Variants in GET4 observed in about 807,000 individuals in gnomAD.
GET4 encodes the protein Golgi to ER traffic protein 4 homolog.
GET4 carries 20 observed loss-of-function variants against 40.0 expected under a neutral mutation model. That is an observed-to-expected ratio of 0.50 (90% CI 0.35 to 0.73). The LOEUF (loss-of-function observed/expected upper bound fraction) is 0.73, where lower values mean the gene tolerates loss of function less well. GET4 is among the 30% of genes least tolerant of loss of function. The pLI, the probability that GET4 is intolerant of heterozygous loss-of-function variation, is 0.01. For missense variants in GET4, 557 were observed against 454.0 expected (o/e 1.23, Z -2.06); for synonymous variants, 280 against 194.6 (o/e 1.44, Z -3.65).
chr7:891,429 C>G (rs1399419018), intron 5 of GET4, among the ~76,000 whole-genome samples: 1 of 152,216 alleles, frequency 6.6e-6, no homozygotes, highest in Admixed American at 6.5e-5. Context: ...CCCGCGGCCC[C>G]TCCCGCCAGC....
intron 6 of GET4, among the ~76,000 whole-genome samples, chr7:892,915 GGT>G (rs1046459904): frequency 4.6e-5 from 7 of 151,746 alleles, no homozygotes; most frequent in African/African-American, 1.5e-4. Flanking sequence ...GGGGTGTGCA[GGT>G]GTGTGTACTG....
chr7:885,634 C>A (rs1429744439), intron 1 of GET4: 2 of 173,142 alleles, frequency 1.2e-5, no homozygotes, highest in East Asian at 1.7e-4. Flanking sequence ...CCGTTACTGT[C>A]CCCCGTGGGA....
At chr7:893,121 G>C (rs1215545170) in intron 6 of GET4, among the ~76,000 whole-genome samples, 1 of 139,078 alleles carries the variant, frequency 7.2e-6, no homozygotes, top group African/African-American at 2.6e-5. Context: ...GCAAGTGTTG[G>C]GTGTAGGCGT....
rs190212735 is a variant in GET4 at position 896,273 on chromosome 7, G to T, written c.*851G>T. ...CTACTCCAAATGTTACCAGAACGAT[G>T]ACAAAAGGGGAGACGCTCTATTTTT... On this transcript the variant is annotated 3_prime_UTR_variant, in exon 9 of 9. Coordinates refer to ENST00000265857, the MANE Select transcript of GET4 (RefSeq NM_015949.3). The T allele has an allele frequency of 2.3e-3, 348 of 152,336 alleles. No individual in the cohort carries two copies. Among genetic ancestry groups the T allele is most frequent in the African/African-American group, 8.1e-3 (335 of 41,560 alleles). 9.4% of individuals were successfully genotyped at this position (152,336 alleles called of 1,614,324 possible).
At position 895,560 on chromosome 7, in the gene GET4, T is replaced by C. The variant is rs1417240792; in HGVS notation, c.*138T>C. 1.1e-5 allele frequency: 6 copies of C among 527,088 alleles called. No homozygotes were observed. Among genetic ancestry groups the C allele is most frequent in the African/African-American group, 9.8e-5 (5 of 50,956 alleles). The allele number at this position is 527,088 out of a possible 1,614,324, so 32.7% of individuals were successfully genotyped here. ...GGCCGCATGCCGGCGCGTGTCTGTT[T>C]CTGTGCGGCGGCTCAGGGTGGCGCG... On this transcript the variant is annotated 3_prime_UTR_variant, in exon 9 of 9. Coordinates refer to ENST00000265857, the MANE Select transcript of GET4 (RefSeq NM_015949.3).
intron 1 of GET4, chr7:885,741 G>T (rs1370579196): frequency 1.4e-5 from 5 of 351,860 alleles, no homozygotes; most frequent in African/African-American, 2.1e-5. Context: ...CTGCGCACCT[G>T]CCCTGCCCAG....
In GET4 at chr7:896,257, A is replaced by C. The variant is rs1002137369; in HGVS notation, c.*835A>C. 1 of 152,238 alleles carries C rather than the reference A, an allele frequency of 6.6e-6. No individual in the cohort carries two copies. Among genetic ancestry groups the C allele is most frequent in the Admixed American group, 6.5e-5 (1 of 15,292 alleles). 9.4% of individuals were successfully genotyped at this position (152,238 alleles called of 1,614,324 possible). On this transcript the variant is annotated 3_prime_UTR_variant, in exon 9 of 9. Coordinates refer to ENST00000265857, the MANE Select transcript of GET4 (RefSeq NM_015949.3). ...TCCGTTCTGTCAGATGCTACTCCAA[A>C]TGTTACCAGAACGATGACAAAAGGG...
chr7:877,142 C>T (rs892066892), intron 1 of GET4, among the ~76,000 whole-genome samples: 2 of 152,006 alleles, frequency 1.3e-5, no homozygotes, highest in South Asian at 2.1e-4. Flanking sequence ...CGGCCGCCTC[C>T]CGCCTCGTCC....
At chr7:895,027 TGGTG>T (rs1844444291) in intron 8 of GET4, among the ~76,000 whole-genome samples, 1 of 151,938 alleles carries the variant, frequency 6.6e-6, no homozygotes, top group African/African-American at 2.4e-5. Flanking sequence ...TGGCTCCTGT[TGGTG>T]GGTGTGGAGG....
At chr7:879,940 GC>G (rs1844050211) in intron 1 of GET4, 1 of 152,248 alleles carries the variant, frequency 6.6e-6, no homozygotes, top group African/African-American at 2.4e-5. Context: ...TACAACGCGA[GC>G]CTTCCCGTGG....
At chr7:880,301 A>G (rs1844058261) in intron 1 of GET4, 1 of 152,320 alleles carries the variant, frequency 6.6e-6, no homozygotes, top group Admixed American at 6.5e-5. Context: ...AGGTCACGCC[A>G]CTGCGCTCCA....
At chr7:884,201 T>C in intron 1 of GET4, 2 of 1,303,356 alleles carry the variant, frequency 1.5e-6, no homozygotes, top group South Asian at 1.2e-5. Context: ...TCAGGGTCGG[T>C]GCATGCGGTT....
chr7:879,331 G>C (rs1844037267), intron 1 of GET4, among the ~76,000 whole-genome samples: 1 of 152,262 alleles, frequency 6.6e-6, no homozygotes, highest in Non-Finnish European at 1.5e-5. Context: ...GGTGGACTCA[G>C]CAGCCCCAGC....
chr7:891,552 G>T (rs1373445091), intron 5 of GET4, among the ~76,000 whole-genome samples: 2 of 152,042 alleles, frequency 1.3e-5, no homozygotes, highest in Non-Finnish European at 2.9e-5. Flanking sequence ...AGCTCGCTGG[G>T]GCGTCCTGCA....
chr7:893,311 T>G (rs1163365434), intron 6 of GET4, among the ~76,000 whole-genome samples: 14 of 67,476 alleles, frequency 2.1e-4, no homozygotes, highest in African/African-American at 4.3e-4. Context: ...CGCGGTGGTG[T>G]GTGCAGGTGA....
At chr7:892,786 C>T (rs1647351121) in intron 6 of GET4, among the ~76,000 whole-genome samples, 1 of 146,146 alleles carries the variant, frequency 6.8e-6, no homozygotes, top group South Asian at 2.2e-4. Flanking sequence ...GGTGTGTAGA[C>T]GTGTATACAG....
At chr7:891,761 C>T (rs549588135) in intron 5 of GET4, among the ~76,000 whole-genome samples, 4 of 152,400 alleles carry the variant, frequency 2.6e-5, no homozygotes, top group South Asian at 2.1e-4. Context: ...CAGGAGCTGG[C>T]GTCCGTGACT....
At chr7:890,416 G>A (rs1162435692) in intron 4 of GET4, among the ~76,000 whole-genome samples, 1 of 70,584 alleles carries the variant, frequency 1.4e-5, no homozygotes, top group African/African-American at 5.2e-5. Context: ...GTGTTAGGAC[G>A]GGCCTGGGAG....
chr7:885,811 T>C, intron 1 of GET4: 1 of 516,778 alleles, frequency 1.9e-6, no homozygotes, highest in Admixed American at 3.5e-5. Context: ...GGCTGCTTTC[T>C]GGCTCCTGGT....
Sources: allele counts gnomAD v4.1 joint callset (sites outside exome capture counted in the v4.1 genomes callset), GRCh38; gene constraint gnomAD v4.1.1; transcripts MANE v1.5; gene names NCBI Gene and HGNC (gene_info 2026-07-23, HGNC 2026-07-21).